CCDC175: variants seen among roughly 807,000 people sequenced by gnomAD.
The protein encoded by CCDC175 is coiled-coil domain containing 175, also known as coiled-coil domain-containing protein 175.
In CCDC175, 100 loss-of-function variants were observed where a neutral mutation model predicts 114.6. The ratio of observed to expected loss-of-function variants is 0.87; its 90% CI spans 0.74 to 1.03. The LOEUF (loss-of-function observed/expected upper bound fraction) is 1.03. CCDC175 is among the 50% of genes least tolerant of loss of function. The pLI is 0.00. For synonymous variants in CCDC175, 306 were observed against 308.7 expected (o/e 0.99, Z 0.09); for missense variants, 880 against 917.8 (o/e 0.96, Z 0.53).
rs1895817048 is a variant in CCDC175 at position 59,555,320 on chromosome 14, C to A, written c.954-3884G>T. Among the ~76,000 whole-genome samples the A allele has an allele frequency of 3.3e-5, 5 of 152,262 alleles. No homozygotes were observed. The South Asian group carries it at 1.0e-3, about 32-fold the overall frequency. The stretch of plus-strand genomic sequence containing the variant: ...CAAGGCTGGTTCAACACATGCAAAT[C>A]AATAAACGTAATCCAGCATATAAAC... On this transcript the variant is annotated intron_variant, in intron 7 of 19. Transcript: ENST00000537690.
rs535142982 is a variant in CCDC175, at chr14:59,561,136, T to C, written c.936A>G (p.Ala312=). 37 of 1,528,596 alleles carry C rather than the reference T, an allele frequency of 2.4e-5. No individual in the cohort carries two copies. The African/African-American group carries it at 4.2e-4, about 18-fold the overall frequency. 94.7% of individuals were successfully genotyped at this position (1,528,596 alleles called of 1,614,324 possible). A position where few individuals can be genotyped will look rare whatever the true frequency, so the allele number is the denominator to read the frequency against. ...ACACTTACAGTTTCGCCTCCAGAAT[T>C]GCAAGGTCTTTCTTTAGCTCACTGA... ...QEVSELKKDL[A]ILEAKLCFFT... The change falls in exon 7 of 20, where the codon GCA becomes GCG. Residue 312 remains alanine, a synonymous_variant. Transcript: ENST00000537690.
At chr14:59,520,063 C>T (rs1304304176) in intron 17 of CCDC175, among the ~76,000 whole-genome samples, 1 of 152,220 alleles carries the variant, frequency 6.6e-6, no homozygotes, top group African/African-American at 2.4e-5. Flanking sequence ...GCAGAGCAGA[C>T]ATTTAGTTGT....
intron 17 of CCDC175, among the ~76,000 whole-genome samples, chr14:59,513,151 C>T (rs1892847617): frequency 6.6e-6 from 1 of 151,894 alleles, no homozygotes; most frequent in South Asian, 2.1e-4. Flanking sequence ...TCAAGCATTG[C>T]TTCACATCAT....
At chr14:59,524,069 C>T (rs898196133) in intron 16 of CCDC175, among the ~76,000 whole-genome samples, 2 of 152,048 alleles carry the variant, frequency 1.3e-5, no homozygotes, top group African/African-American at 4.8e-5. Flanking sequence ...CAAAATGAAG[C>T]TTACAAGTTC....
intron 19 of CCDC175, among the ~76,000 whole-genome samples, chr14:59,505,612 T>TC (rs1892312046): frequency 6.6e-6 from 1 of 152,214 alleles, no homozygotes; most frequent in South Asian, 2.1e-4. Context: ...CCACAATACT[T>TC]AATATGTATC....
rs546173446 is a variant in CCDC175 at position 59,541,375 on chromosome 14, C to G, written c.1284-629G>C. Among the ~76,000 whole-genome samples the G allele has an allele frequency of 2.0e-5, 3 of 152,284 alleles. No individual in the cohort carries two copies. The South Asian group carries it at 6.2e-4, about 32-fold the overall frequency. Reference sequence around the variant, plus strand: ...AATGTGAAGATTCCAACATAGGTAACAGAAGCCTTTATTTTTATCCCCAGC... The same window carrying G: ...AATGTGAAGATTCCAACATAGGTAAGAGAAGCCTTTATTTTTATCCCCAGC... On this transcript the variant is annotated intron_variant, in intron 10 of 19. Coordinates refer to ENST00000537690, the MANE Select transcript of CCDC175 (RefSeq NM_001164399.2).
chr14:59,564,488 A>G (rs190320461), intron 5 of CCDC175: 92 of 155,252 alleles, frequency 5.9e-4, no homozygotes, highest in Middle Eastern at 6.8e-3. Context: ...CTGAATTTTA[A>G]TTAACATGGC....
intron 1 of CCDC175, 88 bp downstream of exon 1, chr14:59,576,531 G>A (rs752684454): frequency 8.1e-6 from 10 of 1,239,982 alleles, no homozygotes; most frequent in Non-Finnish European, 8.4e-6. Context: ...GTTCCGGGAG[G>A]AGAGTCCCCG....
intron 17 of CCDC175, among the ~76,000 whole-genome samples, chr14:59,515,386 G>GTTAA (rs1893014720): frequency 6.6e-6 from 1 of 152,158 alleles, no homozygotes; most frequent in African/African-American, 2.4e-5. Flanking sequence ...TGGATAAAGA[G>GTTAA]TTAAGACCCA....
chr14:59,514,091 C>G (rs539470960), intron 17 of CCDC175, among the ~76,000 whole-genome samples: 7 of 152,316 alleles, frequency 4.6e-5, no homozygotes, highest in African/African-American at 1.7e-4. Context: ...TCCAACAGAC[C>G]TGCAGCTGAA....
chr14:59,532,357 C>T (rs540337738), intron 13 of CCDC175, among the ~76,000 whole-genome samples: 38 of 152,200 alleles, frequency 2.5e-4, no homozygotes, highest in African/African-American at 9.2e-4. Flanking sequence ...GTAAAAAGTG[C>T]CCAAAGCAAA....
rs78350570 is a variant in CCDC175, at chr14:59,520,871, T to G, written c.2098+703A>C. The stretch of plus-strand genomic sequence containing the variant: ...ACGGCAAAGGGATACAGAGAAAATT[T>G]TGTAGTCATGAAAATGCTCTATATC... On this transcript the variant is annotated intron_variant, in intron 17 of 19. Transcript: ENST00000537690. 3.9e-3 allele frequency among the ~76,000 whole-genome samples: 596 copies of G among 152,282 alleles called. 3 individuals are homozygous for G. Among genetic ancestry groups the G allele is most frequent in the African/African-American group, 0.013 (559 of 41,552 alleles).
At chr14:59,559,663 A>G (rs559338525) in intron 7 of CCDC175, among the ~76,000 whole-genome samples, 184 of 152,292 alleles carry the variant, frequency 1.2e-3, no homozygotes, top group Middle Eastern at 3.4e-3. Context: ...CTTCACAGAC[A>G]GAGGAAACAG....
At chr14:59,537,939 C>T in intron 13 of CCDC175, 84 bp downstream of exon 13, 3 of 885,470 alleles carry the variant, frequency 3.4e-6, no homozygotes, top group South Asian at 2.3e-5. Context: ...TTACATTTAA[C>T]TGATTAGAAT....
intron 3 of CCDC175, among the ~76,000 whole-genome samples, chr14:59,569,694 G>A (rs1304523418): frequency 6.6e-6 from 1 of 151,970 alleles, no homozygotes; most frequent in African/African-American, 2.4e-5. Context: ...ATTTTCCCTG[G>A]CAAACTAGAC....
At chr14:59,570,128 G>T (rs1431839024) in intron 3 of CCDC175, among the ~76,000 whole-genome samples, 2 of 152,138 alleles carry the variant, frequency 1.3e-5, no homozygotes, top group Non-Finnish European at 2.9e-5. Context: ...GGGTGCCAGA[G>T]AAGCTCTTCA....
chr14:59,516,850 A>G (rs377045750), intron 17 of CCDC175, among the ~76,000 whole-genome samples: 6 of 151,974 alleles, frequency 3.9e-5, no homozygotes, highest in South Asian at 2.1e-4. Flanking sequence ...ACCAAAGCCT[A>G]GCAGAGACAC....
At chr14:59,511,928 G>C (rs1226501178) in intron 17 of CCDC175, 125 bp from the exon 18 acceptor site, 8 of 698,428 alleles carry the variant, frequency 1.1e-5, no homozygotes, top group East Asian at 2.7e-5. Flanking sequence ...GTTCCAAAAT[G>C]ACAGAATAAC....
intron 13 of CCDC175, among the ~76,000 whole-genome samples, chr14:59,536,552 G>A (rs929170617): frequency 2.0e-5 from 3 of 150,432 alleles, no homozygotes; most frequent in Non-Finnish European, 4.4e-5. Flanking sequence ...TTTCCACCCC[G>A]CCTCCTCTCC....
Sources: allele counts gnomAD v4.1 joint callset (sites outside exome capture counted in the v4.1 genomes callset), GRCh38; gene constraint gnomAD v4.1.1; transcripts MANE v1.5; gene names NCBI Gene and HGNC (gene_info 2026-07-23, HGNC 2026-07-21).